TSPAN15: variants seen among roughly 807,000 people sequenced by gnomAD.
TSPAN15 encodes the protein tetraspanin 15, also known as tetraspanin-15.
TSPAN15 carries 20 observed loss-of-function variants against 34.5 expected under a neutral mutation model. The ratio of observed to expected loss-of-function variants is 0.58; its 90% CI spans 0.41 to 0.84. TSPAN15 has a LOEUF of 0.84. TSPAN15 is among the 40% of genes least tolerant of loss of function. TSPAN15 has a pLI of 0.00. For missense variants in TSPAN15, 313 were observed against 386.1 expected (o/e 0.81, Z 1.59); for synonymous variants, 155 against 153.9 (o/e 1.01, Z -0.05).
Position 69,507,521 on chromosome 10 carries a change from C to A in TSPAN15, c.*543C>A, listed in dbSNP as rs765627962. 7.7e-7 allele frequency: 1 copy of A among 1,304,166 alleles called. No homozygotes were observed. The highest frequency in any genetic ancestry group is 1.0e-6 in the Non-Finnish European group (1 of 989,038). The allele number at this position is 1,304,166 out of a possible 1,614,324, so 80.8% of individuals were successfully genotyped here. A position where few individuals can be genotyped will look rare whatever the true frequency, so the allele number is the denominator to read the frequency against. ...TGCTTCCTTGAGCCTAGTTTTTTTA[C>A]GTGATTTTTGTAACATTCATTTTTT... On this transcript the variant is annotated 3_prime_UTR_variant, in exon 8 of 8. Coordinates refer to ENST00000373290, the MANE Select transcript of TSPAN15 (RefSeq NM_012339.5).
chr10:69,465,771 C>G (rs1447112588), intron 1 of TSPAN15, among the ~76,000 whole-genome samples: 1 of 152,186 alleles, frequency 6.6e-6, no homozygotes, highest in Non-Finnish European at 1.5e-5. Flanking sequence ...AAGAACTTTT[C>G]TTAGAGTGAT....
chr10:69,468,152 C>T (rs188109860), intron 1 of TSPAN15, among the ~76,000 whole-genome samples: 53 of 145,928 alleles, frequency 3.6e-4, no homozygotes, highest in African/African-American at 1.1e-3. Context: ...GAGAGCTGAT[C>T]GGTGTCTGGA....
the TSPAN15 span, among the ~76,000 whole-genome samples, chr10:69,537,474 G>A: frequency 6.6e-6 from 1 of 152,158 alleles, no homozygotes; most frequent in Admixed American, 6.5e-5. Context: ...GAGGCCCGAA[G>A]TCTGAGATCA....
chr10:69,514,968 A>C, the TSPAN15 span, among the ~76,000 whole-genome samples: 14 of 151,738 alleles, frequency 9.2e-5, no homozygotes, highest in Non-Finnish European at 1.6e-4. Flanking sequence ...TCATTCTTGG[A>C]CCTCCCTAAT....
chr10:69,453,421 C>T (rs1390985224), intron 1 of TSPAN15, among the ~76,000 whole-genome samples: 1 of 152,090 alleles, frequency 6.6e-6, no homozygotes, highest in Non-Finnish European at 1.5e-5. Flanking sequence ...TGTGCCTGCC[C>T]CTTGTGTGTT....
the TSPAN15 span, among the ~76,000 whole-genome samples, chr10:69,513,609 T>A: frequency 6.6e-6 from 1 of 152,226 alleles, no homozygotes; most frequent in Non-Finnish European, 1.5e-5. Flanking sequence ...GCGTGATGCT[T>A]CTGGTGTCAT....
At chr10:69,504,235 G>GT (rs5785921) in intron 5 of TSPAN15, among the ~76,000 whole-genome samples, 59,642 of 151,628 alleles carry the variant, frequency 0.39, 12,212 homozygotes, top group African/African-American at 0.5. Flanking sequence ...CATTCCTACA[G>GT]TTTTTTCACG....
intron 3 of TSPAN15, among the ~76,000 whole-genome samples, chr10:69,492,862 C>T (rs1017083120): frequency 2.6e-5 from 4 of 152,144 alleles, no homozygotes; most frequent in Non-Finnish European, 4.4e-5. Context: ...CCAGTGGGCC[C>T]GGGTAGGTGC....
intron 1 of TSPAN15, among the ~76,000 whole-genome samples, chr10:69,466,409 A>C (rs1841385853): frequency 6.6e-6 from 1 of 152,190 alleles, no homozygotes; most frequent in South Asian, 2.1e-4. Context: ...GTGGTGCACA[A>C]GATGATTGTA....
intron 5 of TSPAN15, 101 bp from the exon 6 acceptor site, chr10:69,504,337 A>G (rs916666040): frequency 2.5e-6 from 3 of 1,176,876 alleles, no homozygotes; most frequent in African/African-American, 3.0e-5. Flanking sequence ...TGGACGGTGC[A>G]ACTCTGTGCT....
intron 1 of TSPAN15, among the ~76,000 whole-genome samples, chr10:69,462,762 G>C (rs1841298304): frequency 6.6e-6 from 1 of 152,236 alleles, no homozygotes; most frequent in South Asian, 2.1e-4. Flanking sequence ...TGTCTCTGCA[G>C]GTGAATCCTG....
chr10:69,464,085 C>T (rs556610648), intron 1 of TSPAN15, among the ~76,000 whole-genome samples: 123 of 152,266 alleles, frequency 8.1e-4, no homozygotes, highest in Non-Finnish European at 1.4e-3. Context: ...GCAGACAAAC[C>T]GAGCAACTCT....
At chr10:69,531,795 C>A in the TSPAN15 span, among the ~76,000 whole-genome samples, 3 of 151,924 alleles carry the variant, frequency 2.0e-5, no homozygotes, top group Non-Finnish European at 2.9e-5. Flanking sequence ...AAACATTCAA[C>A]AAAATCCAGC....
chr10:69,533,522 G>A, the TSPAN15 span, among the ~76,000 whole-genome samples: 2 of 152,156 alleles, frequency 1.3e-5, no homozygotes, highest in Non-Finnish European at 2.9e-5. Context: ...CGGGGAAGGG[G>A]GAGAGTGGGC....
At chr10:69,537,139 G>T in the TSPAN15 span, among the ~76,000 whole-genome samples, 1 of 152,232 alleles carries the variant, frequency 6.6e-6, no homozygotes, top group South Asian at 2.1e-4. Flanking sequence ...GGGTGGGGTA[G>T]TTGGGAATTC....
intron 2 of TSPAN15, chr10:69,484,198 C>G (rs940622984): frequency 8.5e-6 from 2 of 235,044 alleles, no homozygotes; most frequent in East Asian, 1.8e-4. Context: ...TTAGCTCATG[C>G]AACCAGCAAA....
At chr10:69,515,567 C>A in the TSPAN15 span, among the ~76,000 whole-genome samples, 1 of 152,196 alleles carries the variant, frequency 6.6e-6, no homozygotes, top group East Asian at 1.9e-4. Context: ...AAGTTGCAGT[C>A]CAAGAGGCCC....
chr10:69,518,977 G>GT, the TSPAN15 span, among the ~76,000 whole-genome samples: 2 of 152,230 alleles, frequency 1.3e-5, no homozygotes, highest in Non-Finnish European at 2.9e-5. Flanking sequence ...GAGGGTGTCT[G>GT]TTGCAGCACT....
chr10:69,461,680 C>T (rs868077026), intron 1 of TSPAN15, among the ~76,000 whole-genome samples: 1 of 152,148 alleles, frequency 6.6e-6, no homozygotes, highest in Non-Finnish European at 1.5e-5. Flanking sequence ...CAGGCATGGG[C>T]ACAGTGTGGC....
Sources: allele counts gnomAD v4.1 joint callset (sites outside exome capture counted in the v4.1 genomes callset), GRCh38; gene constraint gnomAD v4.1.1; transcripts MANE v1.5; gene names NCBI Gene and HGNC (gene_info 2026-07-23, HGNC 2026-07-21).